The following GFRA2 variants were observed in gnomAD, a reference collection of about 807,000 sequenced individuals.
The protein encoded by GFRA2 is GDNF family receptor alpha-2.
GFRA2 carries 17 observed loss-of-function variants against 48.3 expected under a neutral mutation model. That is an observed-to-expected ratio of 0.35 (90% CI 0.24 to 0.53). The LOEUF (loss-of-function observed/expected upper bound fraction) is 0.53, where lower values mean the gene tolerates loss of function less well. Among genes scored for constraint, GFRA2 ranks in the 20% least tolerant of loss-of-function variants. GFRA2 has a pLI of 0.93. For missense variants in GFRA2, 660 were observed against 637.3 expected (o/e 1.04, Z -0.38); for synonymous variants, 305 against 257.2 (o/e 1.19, Z -1.78).
chr8:21,754,495 C>CTT (rs1192937060), intron 3 of GFRA2, among the ~76,000 whole-genome samples: 6 of 125,076 alleles, frequency 4.8e-5, no homozygotes, highest in African/African-American at 9.2e-5. Flanking sequence ...CAACAATGGT[C>CTT]TTTTTTTTTC....
At chr8:21,716,973 G>T (rs1027037887) in intron 4 of GFRA2, among the ~76,000 whole-genome samples, 2 of 152,200 alleles carry the variant, frequency 1.3e-5, no homozygotes, top group Admixed American at 1.3e-4. Context: ...GCTCGGTCTT[G>T]TCCTTCAAAG....
At position 21,750,604 on chromosome 8, in the gene GFRA2, T is replaced by C. The variant is rs1452037772; in HGVS notation, c.778A>G (p.Thr260Ala). ...GGCACTCACCGACACAGGTGGTCAG[T>C]CCGGCACACGCCACGCAGGTCCAGG... ...NCLDLRGVCRTDHLCRSRLAD... is the reference protein window; with the variant it reads ...NCLDLRGVCRADHLCRSRLAD... Residue 260 changes from threonine (T) to alanine (A), a missense_variant, in exon 4 of 9, where the codon ACT becomes GCT. Transcript: ENST00000524240. This position sits in a 1 kb window ranked among gnomAD's most constrained non-coding sequence, Gnocchi z 5.7. The C allele has an allele frequency of 3.1e-6, 5 of 1,605,682 alleles. No individual in the cohort carries two copies. The highest frequency in any genetic ancestry group is 3.4e-5 in the Admixed American group (2 of 58,602).
At chr8:21,767,328 C>G (rs1806219927) in intron 3 of GFRA2, among the ~76,000 whole-genome samples, 1 of 152,078 alleles carries the variant, frequency 6.6e-6, no homozygotes, top group Non-Finnish European at 1.5e-5. Context: ...CCACCTCTCT[C>G]ACACACACAC....
intron 3 of GFRA2, among the ~76,000 whole-genome samples, chr8:21,759,530 G>GAAGGAAGGAAGGAAGA (rs1805788050): frequency 6.7e-6 from 1 of 149,392 alleles, no homozygotes; most frequent in Non-Finnish European, 1.5e-5. Flanking sequence ...AGGAAGGAAG[G>GAAGGAAGGAAGGAAGA]AAGGAAGGAA....
chr8:21,697,852 T>A (rs1470317808), intron 7 of GFRA2, among the ~76,000 whole-genome samples: 1 of 152,116 alleles, frequency 6.6e-6, no homozygotes, highest in East Asian at 1.9e-4. Flanking sequence ...GCACACACTC[T>A]CTCTTTCCCA....
chr8:21,734,843 C>G (rs1463701532), intron 4 of GFRA2, among the ~76,000 whole-genome samples: 1 of 152,216 alleles, frequency 6.6e-6, no homozygotes, highest in African/African-American at 2.4e-5. Context: ...AGGAAAATAT[C>G]TTGGCCTCCA....
chr8:21,781,508 G>C (rs1318855754), intron 2 of GFRA2, among the ~76,000 whole-genome samples: 1 of 152,106 alleles, frequency 6.6e-6, no homozygotes, highest in Non-Finnish European at 1.5e-5. Flanking sequence ...TTCAGCCCCA[G>C]CTTGGAGCCT....
rs1373512932 is a variant in GFRA2 at position 21,799,567 on chromosome 8, A to G, written c.-36+5450T>C. On this transcript the variant is annotated intron_variant, in intron 2 of 10. Transcript: ENST00000517328. ...TAGATTGACTTATGCTCTTGACTTT[A>G]AAGTCTAATTCTATAAAGACTCAGT... Among the ~76,000 whole-genome samples, 4 of 152,208 alleles carry G rather than the reference A, an allele frequency of 2.6e-5. No homozygotes were observed. The East Asian group carries it at 7.7e-4, about 29-fold the overall frequency.
upstream of GFRA2, among the ~76,000 whole-genome samples, chr8:21,792,871 C>G (rs1389224586): frequency 2.0e-5 from 3 of 152,154 alleles, no homozygotes; most frequent in African/African-American, 7.2e-5. Context: ...TCCAGACCAG[C>G]CTGACCAACA....
At chr8:21,784,236 G>T (rs1283860399) in intron 1 of GFRA2, 3 of 453,876 alleles carry the variant, frequency 6.6e-6, no homozygotes, top group Non-Finnish European at 1.3e-5. Flanking sequence ...TCCAGACACA[G>T]ACATCGTCTT....
chr8:21,700,074 C>T (rs1439597587), intron 7 of GFRA2, among the ~76,000 whole-genome samples: 1 of 152,072 alleles, frequency 6.6e-6, no homozygotes, highest in Non-Finnish European at 1.5e-5. Context: ...TAGGACGCAC[C>T]AGGTGGAGAG....
chr8:21,736,913 G>A (rs1048760801), intron 4 of GFRA2, among the ~76,000 whole-genome samples: 2 of 145,948 alleles, frequency 1.4e-5, no homozygotes, highest in African/African-American at 2.5e-5. Flanking sequence ...GAAATGAGGG[G>A]AGGGGAGGGG....
At chr8:21,749,405 A>T (rs1251410054) in intron 4 of GFRA2, among the ~76,000 whole-genome samples, 1 of 151,980 alleles carries the variant, frequency 6.6e-6, no homozygotes, top group Non-Finnish European at 1.5e-5. Flanking sequence ...GAAGGGACGG[A>T]AGGTCAGGAA....
chr8:21,726,327 C>G (rs144014989), intron 4 of GFRA2, among the ~76,000 whole-genome samples: 1 of 152,228 alleles, frequency 6.6e-6, no homozygotes, highest in Non-Finnish European at 1.5e-5. Flanking sequence ...TTAGGGATCA[C>G]AGCAACATGA....
At chr8:21,799,985 T>C (rs1807743091) in intron 2 of GFRA2, among the ~76,000 whole-genome samples, 1 of 152,172 alleles carries the variant, frequency 6.6e-6, no homozygotes, top group East Asian at 1.9e-4. Context: ...GGTGTTCCCA[T>C]TGCATGGTGC....
intron 3 of GFRA2, among the ~76,000 whole-genome samples, chr8:21,759,803 C>A (rs564804551): frequency 6.7e-6 from 1 of 149,370 alleles, no homozygotes; most frequent in South Asian, 2.1e-4. Context: ...GCAGGAGAAT[C>A]GCTTGAAGCC....
At chr8:21,752,546 T>C (rs139652871) in intron 3 of GFRA2, among the ~76,000 whole-genome samples, 19 of 152,138 alleles carry the variant, frequency 1.2e-4, no homozygotes, top group Admixed American at 2.0e-4. Flanking sequence ...ATGCACCTGC[T>C]CCCTGGGACT....
At chr8:21,694,197 T>A (rs1252020740) in intron 8 of GFRA2, among the ~76,000 whole-genome samples, 1 of 150,838 alleles carries the variant, frequency 6.6e-6, no homozygotes, top group African/African-American at 2.4e-5. Flanking sequence ...GACACAACTG[T>A]CTTAAGAGAG....
At chr8:21,731,747 C>T (rs927350168) in intron 4 of GFRA2, among the ~76,000 whole-genome samples, 1 of 152,068 alleles carries the variant, frequency 6.6e-6, no homozygotes, top group African/African-American at 2.4e-5. Flanking sequence ...AAGAAAGCTC[C>T]GAGAGGCAGA....
Sources: gnomAD v4.1 joint callset for allele counts (sites outside exome capture counted in the v4.1 genomes callset) on GRCh38, gnomAD v4.1.1 for gene constraint, Gnocchi (gnomAD v3.1) non-coding constraint, MANE v1.5 for transcripts, NCBI Gene and HGNC (gene_info 2026-07-23, HGNC 2026-07-21) for gene names.